The following HEATR1 variants were observed in gnomAD, a reference collection of about 807,000 sequenced individuals.
HEATR1 encodes HEAT repeat-containing protein 1.
A neutral mutation model predicts 248.2 loss-of-function variants in HEATR1; 77 were observed. The observed-to-expected ratio is 0.31, with a 90% CI of 0.26 to 0.37. The LOEUF (loss-of-function observed/expected upper bound fraction) is 0.37, where lower values mean the gene tolerates loss of function less well. Ranked by LOEUF, HEATR1 falls within the 10% of genes least tolerant of loss-of-function variation. HEATR1 has a pLI of 1.00. For synonymous variants in HEATR1, 897 were observed against 923.1 expected (o/e 0.97, Z 0.51); for missense variants, 2,420 against 2,504.9 (o/e 0.97, Z 0.72).
intron 44 of HEATR1, chr1:236,551,706 G>A (rs895117263): frequency 1.4e-5 from 4 of 286,476 alleles, no homozygotes; most frequent in African/African-American, 2.2e-5. Context: ...AAACACTACT[G>A]TAATCTGCTT....
At position 236,598,012 on chromosome 1, in the gene HEATR1, A is replaced by C. The variant is rs530172475; in HGVS notation, c.502-33T>G. 23 of 1,299,660 alleles carry C rather than the reference A, an allele frequency of 1.8e-5. No homozygotes were observed. The South Asian group carries it at 2.3e-4, about 13-fold the overall frequency. 80.5% of individuals were successfully genotyped at this position (1,299,660 alleles called of 1,614,324 possible). A position where few individuals can be genotyped will look rare whatever the true frequency, so the allele number is the denominator to read the frequency against. ...TGATGGAAAGAACAAACTACTAGCA[A>C]CATTCATCAACTGATCCTTATTTTA... On this transcript the variant is annotated intron_variant, in intron 4 of 44. Transcript: ENST00000366582.
intron 28 of HEATR1, 52 bp from the exon 29 acceptor site, chr1:236,569,176 A>ATT: frequency 6.9e-7 from 1 of 1,447,180 alleles, no homozygotes; most frequent in Non-Finnish European, 9.4e-7. Context: ...ATTTCTACTA[A>ATT]TTTTTTTTTC....
chr1:236,564,799 C>A, intron 31 of HEATR1, 138 bp from the exon 32 acceptor site: 1 of 777,634 alleles, frequency 1.3e-6, no homozygotes, highest in Middle Eastern at 4.1e-4. Context: ...TCTATTACAT[C>A]CAGTTTCTCC....
chr1:236,603,881 G>GA (rs544455419), intron 2 of HEATR1, 73 bp downstream of exon 2: 57,342 of 1,283,090 alleles, frequency 0.045, 372 homozygotes, highest in Middle Eastern at 0.088. Flanking sequence ...GAAAACAAGG[G>GA]GAAAAAAAAA....
chr1:236,603,839 G>C (rs1241045272), intron 2 of HEATR1, 115 bp downstream of exon 2: 5 of 1,133,916 alleles, frequency 4.4e-6, no homozygotes, highest in Non-Finnish European at 6.2e-6. Context: ...CAACATGCTA[G>C]AAACTGCTAA....
intron 17 of HEATR1, among the ~76,000 whole-genome samples, chr1:236,584,752 A>T (rs1161340851): frequency 1.3e-5 from 2 of 152,230 alleles, no homozygotes; most frequent in Non-Finnish European, 2.9e-5. Flanking sequence ...TAGCTTGGGT[A>T]ATTATCCAAT....
intron 7 of HEATR1, 74 bp from the exon 8 acceptor site, chr1:236,595,747 T>C: frequency 6.6e-7 from 1 of 1,513,200 alleles, no homozygotes. Context: ...AGAAAATATA[T>C]AATCACTTAT....
intron 10 of HEATR1, among the ~76,000 whole-genome samples, 163 bp downstream of exon 10, chr1:236,592,360 A>G (rs1408683633): frequency 6.6e-6 from 1 of 152,186 alleles, no homozygotes; most frequent in African/African-American, 2.4e-5. Context: ...ATTTCCTCTT[A>G]TATTTCAAAT....
rs1280384668 is a variant in HEATR1 at position 236,572,429 on chromosome 1, A to T, written c.3689T>A (p.Leu1230His). 4 of 1,614,116 alleles carry T rather than the reference A, an allele frequency of 2.5e-6. No homozygotes were observed. The highest frequency in any genetic ancestry group is 3.4e-6 in the Non-Finnish European group (4 of 1,179,964). Residue 1230 changes from leucine (L) to histidine (H), a missense_variant, in exon 26 of 45, where the codon CTT (leucine) becomes CAT (histidine). Coordinates refer to ENST00000366582, the MANE Select transcript of HEATR1 (RefSeq NM_018072.6). ...TCATTACCTTGATAGCAAGTTAAAA[A>T]GAGTTGGCACCAATATCTGAGGACT... ...LRSPQILVPTLFNLLSRCLEP... is the reference protein window; with the variant it reads ...LRSPQILVPTHFNLLSRCLEP...
At chr1:236,574,485 G>T in intron 23 of HEATR1, 152 bp from the exon 24 acceptor site, 1 of 1,205,900 alleles carries the variant, frequency 8.3e-7, no homozygotes, top group Non-Finnish European at 1.1e-6. Flanking sequence ...CATGTACAAC[G>T]TTCAGTTTTC....
intron 19 of HEATR1, 100 bp from the exon 20 acceptor site, chr1:236,581,514 T>C (rs1414154666): frequency 2.4e-6 from 2 of 829,068 alleles, no homozygotes; most frequent in Non-Finnish European, 3.5e-6. Context: ...AAACAAATAA[T>C]TTAAGGCAAA....
intron 36 of HEATR1, 77 bp downstream of exon 36, chr1:236,558,160 A>C (rs1390361928): frequency 2.0e-6 from 3 of 1,475,428 alleles, no homozygotes; most frequent in Non-Finnish European, 2.7e-6. Context: ...AGGAAAAAAA[A>C]AAAAAGTCAC....
chr1:236,599,106 C>G (rs1196541417), intron 4 of HEATR1, among the ~76,000 whole-genome samples: 1 of 152,084 alleles, frequency 6.6e-6, no homozygotes, highest in African/African-American at 2.4e-5. Flanking sequence ...TTTAAGTTCT[C>G]AGTTCCAAAT....
chr1:236,599,578 G>T lies in HEATR1; in HGVS notation c.406C>A (p.Leu136Met), dbSNP rs1393905193. The change falls in exon 4 of 45, where the codon CTG becomes ATG. Residue 136 changes from leucine to methionine, a missense_variant. By Grantham distance (15) the Leu-to-Met change is conservative. Transcript: ENST00000366582. The part of the protein sequence containing the change: ...YNQDSLIACV[L>M]PYHETRIFVR... ...AATATTCTTGTCTCGTGGTATGGCA[G>T]AACACAAGCAATGAGGCTATCTTGA... 3.1e-6 allele frequency: 5 copies of T among 1,613,574 alleles called. No homozygotes were observed. Among genetic ancestry groups the T allele is most frequent in the Non-Finnish European group, 4.2e-6 (5 of 1,179,656 alleles).
intron 20 of HEATR1, among the ~76,000 whole-genome samples, chr1:236,579,219 G>A (rs960534159): frequency 1.3e-5 from 2 of 151,482 alleles, no homozygotes; most frequent in African/African-American, 2.4e-5. Flanking sequence ...GCATACAACT[G>A]TTTATTCAGT....
Position 236,576,839 on chromosome 1 carries a change from T to A in HEATR1, c.2866A>T (p.Ile956Leu). 6.2e-7 allele frequency: 1 copy of A among 1,614,090 alleles called. No individual in the cohort carries two copies. The highest frequency in any genetic ancestry group is 8.5e-7 in the Non-Finnish European group (1 of 1,179,966). ...TCTGCTTTAGAAATCAAATGATCTA[T>A]TATCAGATAAAACGGGGATGCCACT... Reference protein sequence around the residue: ...SGVASPFYLIIDHLISKAEEI... With the variant: ...SGVASPFYLILDHLISKAEEI... Residue 956 changes from isoleucine (I) to leucine (L), a missense_variant, in exon 21 of 45, where the codon ATA becomes TTA. Physicochemically the swap from Ile to Leu is conservative, Grantham distance 5 (BLOSUM62 2). Transcript: ENST00000366582.
intron 33 of HEATR1, among the ~76,000 whole-genome samples, chr1:236,560,286 A>G (rs1290751014): frequency 6.6e-6 from 1 of 152,170 alleles, no homozygotes; most frequent in Non-Finnish European, 1.5e-5. Flanking sequence ...AAAGAGAAAT[A>G]TTAATAGAAA....
At chr1:236,576,096 T>C in intron 22 of HEATR1, 123 bp downstream of exon 22, 1 of 637,162 alleles carries the variant, frequency 1.6e-6, no homozygotes, top group African/African-American at 1.9e-5. Context: ...CAAATTAATA[T>C]TACATTTATC....
At chr1:236,604,267 G>A (rs1008461185) in intron 1 of HEATR1, 140 bp from the exon 2 acceptor site, 11 of 584,490 alleles carry the variant, frequency 1.9e-5, no homozygotes, top group South Asian at 6.1e-5. Flanking sequence ...GAGATGCAAA[G>A]ACGATGGCAG....
Sources: allele counts gnomAD v4.1 joint callset (sites outside exome capture counted in the v4.1 genomes callset), GRCh38; gene constraint gnomAD v4.1.1; transcripts MANE v1.5; gene names NCBI Gene and HGNC (gene_info 2026-07-23, HGNC 2026-07-21).